PHC3: variants seen among roughly 807,000 people sequenced by gnomAD.
PHC3 encodes polyhomeotic homolog 3, also known as polyhomeotic-like protein 3.
In PHC3, 13 loss-of-function variants were observed where a neutral mutation model predicts 107.4. The observed-to-expected ratio is 0.12, with a 90% CI of 0.08 to 0.19. PHC3 has a LOEUF of 0.19. Ranked by LOEUF, PHC3 falls within the 10% of genes least tolerant of loss-of-function variation. The probability of loss-of-function intolerance (pLI) is 1.00; values close to 1 mark genes in which losing one functional copy is unlikely to be tolerated. For synonymous variants in PHC3, 456 were observed against 427.4 expected, an observed-to-expected ratio of 1.07 and a Z score of -0.83; for missense variants, 992 against 1,210.9, an observed-to-expected ratio of 0.82 and a Z score of 2.68.
chr3:170,159,286 G>A (rs1306329921), intron 4 of PHC3, among the ~76,000 whole-genome samples: 1 of 148,604 alleles, frequency 6.7e-6, no homozygotes, highest in Non-Finnish European at 1.5e-5. Context: ...CTGATAAATA[G>A]CATAACAGAG....
chr3:170,120,000 A>C (rs1272679073), intron 9 of PHC3, among the ~76,000 whole-genome samples: 1 of 152,188 alleles, frequency 6.6e-6, no homozygotes, highest in Non-Finnish European at 1.5e-5. Flanking sequence ...AAAACATGGA[A>C]AGACGTTCTT....
In PHC3 at chr3:170,180,559, C is replaced by A. The variant is rs530019224; in HGVS notation, c.14+1143G>T. Among the ~76,000 whole-genome samples, 3 of 144,908 alleles carry A rather than the reference C, an allele frequency of 2.1e-5. No individual in the cohort carries two copies. In the East Asian group the frequency reaches 6.4e-4, roughly 31 times the overall value. Reference sequence around the variant, plus strand: ...AGTAAATAATTCATACATTTTTATGCTTCTGTTTTTTTTTTTTTTTTCCAA... The same window carrying A: ...AGTAAATAATTCATACATTTTTATGATTCTGTTTTTTTTTTTTTTTTCCAA... On this transcript the variant is annotated intron_variant, in intron 1 of 14. Coordinates refer to ENST00000495893, the MANE Select transcript of PHC3 (RefSeq NM_024947.4).
intron 4 of PHC3, among the ~76,000 whole-genome samples, chr3:170,153,551 C>G (rs1025246302): frequency 2.6e-5 from 4 of 152,054 alleles, no homozygotes; most frequent in Non-Finnish European, 5.9e-5. Flanking sequence ...ATCACGAGGT[C>G]AGGAGATTGA....
intron 5 of PHC3, chr3:170,147,518 T>C (rs926033965): frequency 6.6e-6 from 1 of 152,180 alleles, no homozygotes. Context: ...TTAAAAAAAA[T>C]AGCTGCATCT....
rs1285679708 is a variant in PHC3, at chr3:170,093,893, T to G, written c.*3337A>C. The G allele has an allele frequency of 6.6e-6, 1 of 152,150 alleles. No homozygotes were observed. Among genetic ancestry groups the G allele is most frequent in the Non-Finnish European group, 1.5e-5 (1 of 68,020 alleles). The allele number at this position is 152,150 out of a possible 1,614,324, so 9.4% of individuals were successfully genotyped here. ...AACTGGGATCCCTAATGAAAGAAAA[T>G]TATTTCTTCTAAGTAAAACATGAAT... is the stretch of plus-strand genomic sequence containing the variant. On this transcript the variant is annotated 3_prime_UTR_variant, in exon 15 of 15. Coordinates refer to ENST00000495893, the MANE Select transcript of PHC3 (RefSeq NM_024947.4).
In PHC3 at chr3:170,090,748, A is replaced by AT. The variant is rs1374688690; in HGVS notation, c.*6481dup. Reference sequence around the variant, plus strand: ...TTGAGTAGTACAGGCACCATACTGCATATCTGGAAGCTGTTAAAACAGCTG... The same window carrying AT: ...TTGAGTAGTACAGGCACCATACTGCATTATCTGGAAGCTGTTAAAACAGCTG... On this transcript the variant is annotated 3_prime_UTR_variant, in exon 15 of 15. Coordinates refer to ENST00000495893, the MANE Select transcript of PHC3 (RefSeq NM_024947.4). 1 of 152,194 alleles carries AT rather than the reference A, an allele frequency of 6.6e-6. No homozygotes were observed. The highest frequency in any genetic ancestry group is 6.5e-5 in the Admixed American group (1 of 15,280). The allele number at this position is 152,194 out of a possible 1,614,324, so 9.4% of individuals were successfully genotyped here. A position where few individuals can be genotyped will look rare whatever the true frequency, so the allele number is the denominator to read the frequency against.
chr3:170,148,948 G>T, intron 5 of PHC3, 138 bp downstream of exon 5: 2 of 759,886 alleles, frequency 2.6e-6, no homozygotes, highest in Admixed American at 5.7e-5. Context: ...TACAAGAGCT[G>T]AAGGCACGCC....
In PHC3 at chr3:170,181,666, C is replaced by A. The variant is rs199580456; in HGVS notation, c.14+36G>T. On this transcript the variant is annotated intron_variant, in intron 1 of 14. Coordinates refer to ENST00000495893, the MANE Select transcript of PHC3 (RefSeq NM_024947.4). Reference sequence around the variant, plus strand: ...CGTGTCGCTGCCCCAACTCGCCCCCCCTAGTTACGACATCAGTCACCATCT... The same window carrying A: ...CGTGTCGCTGCCCCAACTCGCCCCCACTAGTTACGACATCAGTCACCATCT... 43 of 1,613,232 alleles carry A rather than the reference C, an allele frequency of 2.7e-5. 1 individual carries two copies. The highest frequency in any genetic ancestry group is 8.8e-5 in the South Asian group (8 of 91,088).
Position 170,095,000 on chromosome 3 carries a change from C to T in PHC3, c.*2230G>A, listed in dbSNP as rs1287063837. 3 of 152,118 alleles carry T rather than the reference C, an allele frequency of 2.0e-5. No individual in the cohort carries two copies. The highest frequency in any genetic ancestry group is 4.4e-5 in the Non-Finnish European group (3 of 68,004). 9.4% of individuals were successfully genotyped at this position (152,118 alleles called of 1,614,324 possible). A position where few individuals can be genotyped will look rare whatever the true frequency, so the allele number is the denominator to read the frequency against. On this transcript the variant is annotated 3_prime_UTR_variant, in exon 15 of 15. Coordinates refer to ENST00000495893, the MANE Select transcript of PHC3 (RefSeq NM_024947.4). ...CATTATTGCTGGAGCAGTCTATCCC[C>T]ATATAATAAATTTTGTATTAACCGT...
intron 8 of PHC3, among the ~76,000 whole-genome samples, chr3:170,126,211 A>C (rs1178292014): frequency 6.6e-6 from 1 of 152,086 alleles, no homozygotes. Context: ...AGAAAAATAT[A>C]ACCTGTGAAG....
At chr3:170,138,087 C>T (rs1465284920) in intron 6 of PHC3, among the ~76,000 whole-genome samples, 5 of 152,050 alleles carry the variant, frequency 3.3e-5, no homozygotes, top group South Asian at 2.1e-4. Context: ...CCCAGCTACT[C>T]GGGAGGCTGA....
intron 4 of PHC3, among the ~76,000 whole-genome samples, chr3:170,153,135 A>C (rs558825966): frequency 7.2e-4 from 110 of 152,318 alleles, no homozygotes; most frequent in African/African-American, 2.3e-3. Context: ...CAGCATGTTC[A>C]AACAGCAAAC....
rs1234427273 is a variant in PHC3 at position 170,113,351 on chromosome 3, C to T, written c.2353+9G>A. The T allele has an allele frequency of 6.3e-7, 1 of 1,591,632 alleles. No individual in the cohort carries two copies. On this transcript the variant is annotated intron_variant, in intron 11 of 14. Coordinates refer to ENST00000495893, the MANE Select transcript of PHC3 (RefSeq NM_024947.4). ...AAATTAAAGGGTATCTTAAGTGAAA[C>T]CCACAAACCTTCAGCAATCATGTCT... is the stretch of plus-strand genomic sequence containing the variant.
chr3:170,167,890 C>A (rs1177873229), intron 4 of PHC3, among the ~76,000 whole-genome samples: 2 of 151,856 alleles, frequency 1.3e-5, no homozygotes, highest in African/African-American at 2.4e-5. Context: ...GTGGCTCATG[C>A]CTATACCACA....
In PHC3 at chr3:170,097,428, C is replaced by A. The variant is rs1013988789; in HGVS notation, c.2834-44G>T. The A allele has an allele frequency of 4.4e-6, 7 of 1,577,482 alleles. No individual in the cohort carries two copies. The highest frequency in any genetic ancestry group is 6.1e-6 in the Non-Finnish European group (7 of 1,156,728). Reference sequence around the variant, plus strand: ...ACAGAAGTTAGAATTAAATATACAACAATTAGACATTACTCCTAACAGTCA... The same window carrying A: ...ACAGAAGTTAGAATTAAATATACAAAAATTAGACATTACTCCTAACAGTCA... On this transcript the variant is annotated intron_variant, in intron 14 of 14. Coordinates refer to ENST00000495893, the MANE Select transcript of PHC3 (RefSeq NM_024947.4). The surrounding 1 kb of genome is among the most constrained non-coding windows in gnomAD (Gnocchi z 4.1).
At chr3:170,111,325 C>CGAACGAAA (rs1560033501) in intron 11 of PHC3, among the ~76,000 whole-genome samples, 2 of 99,630 alleles carry the variant, frequency 2.0e-5, no homozygotes, top group Non-Finnish European at 2.0e-5. Flanking sequence ...AAGGAACGAA[C>CGAACGAAA]GAACGAAAGA....
In PHC3 at chr3:170,091,091, AT is replaced by A; in HGVS notation, c.*6138del. On this transcript the variant is annotated 3_prime_UTR_variant, in exon 15 of 15. Transcript: ENST00000495893. ...CATAAACACCAACTTTTTCACCACC[AT>A]CACTTAAAGCTCCACAAAGCTTGGA... is the stretch of plus-strand genomic sequence containing the variant. 6.6e-6 allele frequency: 1 copy of A among 152,322 alleles called. No individual in the cohort carries two copies. The highest frequency in any genetic ancestry group is 1.9e-4 in the East Asian group (1 of 5,186). The allele number at this position is 152,322 out of a possible 1,614,324, so 9.4% of individuals were successfully genotyped here. A position where few individuals can be genotyped will look rare whatever the true frequency, so the allele number is the denominator to read the frequency against.
rs1721846353 is a variant in PHC3 at position 170,129,184 on chromosome 3, C to T, written c.1288G>A (p.Ala430Thr). 1 of 1,613,894 alleles carries T rather than the reference C, an allele frequency of 6.2e-7. No homozygotes were observed. Among genetic ancestry groups the T allele is most frequent in the Non-Finnish European group, 8.5e-7 (1 of 1,179,872 alleles). The change falls in exon 8 of 15, where the codon GCA (alanine) becomes ACA (threonine). Residue 430 changes from alanine to threonine, a missense_variant. By Grantham distance (58) the Ala-to-Thr change is moderately conservative. This residue lies in a region of PHC3 where 543 missense variants were observed against 590.8 expected (regional missense o/e 0.92). Transcript: ENST00000495893. Reference protein sequence around the residue: ...QSPTIIIHPQALIQPHPLVSS... With the variant: ...QSPTIIIHPQTLIQPHPLVSS... ...ACAAGAGGGTGTGGCTGAATAAGTG[C>T]TTGTGGATGAATAATTATAGTAGGA...
chr3:170,176,666 C>T (rs1004847140), intron 2 of PHC3, among the ~76,000 whole-genome samples: 4 of 152,182 alleles, frequency 2.6e-5, no homozygotes, highest in Non-Finnish European at 4.4e-5. Flanking sequence ...AGCTACTTCA[C>T]AGAGGGCTGG....
Sources: gnomAD v4.1 joint callset for allele counts (sites outside exome capture counted in the v4.1 genomes callset) on GRCh38, gnomAD v4.1.1 for gene constraint, gnomAD v4.1.1 regional missense constraint, Gnocchi (gnomAD v3.1) non-coding constraint, MANE v1.5 for transcripts, NCBI Gene and HGNC (gene_info 2026-07-23, HGNC 2026-07-21) for gene names.